TTC7B: variants seen among roughly 807,000 people sequenced by gnomAD.
TTC7B encodes the protein tetratricopeptide repeat domain 7B, also known as tetratricopeptide repeat protein 7B.
Under a neutral mutation model 106.8 loss-of-function variants are expected in TTC7B, and 28 were observed. The ratio of observed to expected loss-of-function variants is 0.26; its 90% CI spans 0.19 to 0.36. The LOEUF (loss-of-function observed/expected upper bound fraction) is 0.36. Among genes scored for constraint, TTC7B ranks in the 10% least tolerant of loss-of-function variants. The probability of loss-of-function intolerance (pLI) is 1.00; values close to 1 mark genes in which losing one functional copy is unlikely to be tolerated. For missense variants in TTC7B, 862 were observed against 1,076.4 expected, an observed-to-expected ratio of 0.80 and a Z score of 2.79; for synonymous variants, 405 against 430.6, an observed-to-expected ratio of 0.94 and a Z score of 0.74.
chr14:90,631,076 T>G (rs1240649637), intron 15 of TTC7B, among the ~76,000 whole-genome samples: 1 of 152,220 alleles, frequency 6.6e-6, no homozygotes, highest in African/African-American at 2.4e-5. Context: ...CCTTGTGATC[T>G]GCCTGCCTTG....
chr14:90,614,565 TC>T (rs1333146092), intron 16 of TTC7B, among the ~76,000 whole-genome samples: 1 of 152,248 alleles, frequency 6.6e-6, no homozygotes, highest in East Asian at 1.9e-4. Context: ...AAACTGGTTG[TC>T]AGCTCAAGAG....
chr14:90,602,383 G>A (rs1892461285), intron 17 of TTC7B, among the ~76,000 whole-genome samples: 1 of 152,228 alleles, frequency 6.6e-6, no homozygotes, highest in Non-Finnish European at 1.5e-5. Context: ...GATGTGACAA[G>A]TCACTAATGA....
chr14:90,736,399 C>T (rs1204052322), intron 4 of TTC7B, among the ~76,000 whole-genome samples: 4 of 151,836 alleles, frequency 2.6e-5, no homozygotes, highest in African/African-American at 7.3e-5. Context: ...GGTGAAACTC[C>T]GTCTCTACTA....
At position 90,649,466 on chromosome 14, in the gene TTC7B, T is replaced by C. The variant is rs189943683; in HGVS notation, c.1518-2443A>G. ...GACAGAAATCCTCAGGCCAGGCAGA[T>C]GAGAGAGAGGACATTAGTGATCAGA... On this transcript the variant is annotated intron_variant, in intron 13 of 19. Coordinates refer to ENST00000328459, the MANE Select transcript of TTC7B (RefSeq NM_001010854.2). Among the ~76,000 whole-genome samples the C allele has an allele frequency of 1.5e-3, 221 of 152,294 alleles. 2 individuals carry two copies. Among genetic ancestry groups the C allele is most frequent in the Non-Finnish European group, 6.2e-4 (42 of 68,022 alleles).
chr14:90,730,612 C>T (rs925623244), intron 4 of TTC7B, among the ~76,000 whole-genome samples: 1 of 152,168 alleles, frequency 6.6e-6, no homozygotes, highest in African/African-American at 2.4e-5. Flanking sequence ...GCAGCTGCAG[C>T]CCTGCATGAG....
At chr14:90,714,457 ATT>A (rs36072608) in intron 5 of TTC7B, among the ~76,000 whole-genome samples, 56 of 129,266 alleles carry the variant, frequency 4.3e-4, no homozygotes, top group Non-Finnish European at 5.6e-4. Context: ...AGCTGTATAA[ATT>A]TTTTTTTTTT....
chr14:90,816,392 T>TCCGGCTC lies in TTC7B; in HGVS notation c.-104_-98dup, dbSNP rs1235201022. On this transcript the variant is annotated 5_prime_UTR_variant, in exon 1 of 20. Transcript: ENST00000328459. ...TCCCGCCGCCGCCGCGGGCTCGGGC[T>TCCGGCTC]CCGGCTCCCGGCTCCGCGGCGTAAC... is the stretch of plus-strand genomic sequence containing the variant. 1.1e-4 allele frequency: 70 copies of TCCGGCTC among 659,336 alleles called. No individual in the cohort carries two copies. The highest frequency in any genetic ancestry group is 7.3e-4 in the African/African-American group (36 of 49,370). The allele number at this position is 659,336 out of a possible 1,614,324, so 40.8% of individuals were successfully genotyped here.
chr14:90,622,589 T>C (rs890305585), intron 15 of TTC7B, among the ~76,000 whole-genome samples: 1 of 151,804 alleles, frequency 6.6e-6, no homozygotes, highest in Non-Finnish European at 1.5e-5. Flanking sequence ...AATTAACCAG[T>C]TGTGGTAGCG....
intron 1 of TTC7B, among the ~76,000 whole-genome samples, chr14:90,797,986 T>C (rs926042571): frequency 6.6e-6 from 1 of 152,328 alleles, no homozygotes; most frequent in Admixed American, 6.5e-5. Context: ...CTGTGGCCTC[T>C]TGCACTGTCC....
intron 14 of TTC7B, 132 bp from the exon 15 acceptor site, chr14:90,644,340 TTG>T: frequency 1.0e-6 from 1 of 965,666 alleles, no homozygotes; most frequent in East Asian, 2.8e-5. Flanking sequence ...TTGTTTCACA[TTG>T]TGCCTCATTC....
intron 17 of TTC7B, chr14:90,602,139 A>T (rs759184390): frequency 2.2e-6 from 1 of 456,102 alleles, no homozygotes; most frequent in South Asian, 1.5e-5. Flanking sequence ...AGGTCATTCA[A>T]ATGCACTGGA....
chr14:90,642,940 G>C (rs1191602634), intron 15 of TTC7B, among the ~76,000 whole-genome samples: 1 of 151,774 alleles, frequency 6.6e-6, no homozygotes, highest in Non-Finnish European at 1.5e-5. Context: ...ATAAAGCCCT[G>C]TTTCCCAGAT....
chr14:90,649,740 C>A (rs550654664), intron 13 of TTC7B, among the ~76,000 whole-genome samples: 1 of 152,160 alleles, frequency 6.6e-6, no homozygotes, highest in South Asian at 2.1e-4. Context: ...AGCCAACCAC[C>A]CACCCATCCA....
In TTC7B at chr14:90,528,647, TG is replaced by T; in HGVS notation, c.*12720del. ...ACTGTGCTTTGTTACCTGTTTCTGATGGTTGTTTCTGATGGTGTGACCCGAC... is the reference window on the plus strand; with the variant it reads ...ACTGTGCTTTGTTACCTGTTTCTGATGTTGTTTCTGATGGTGTGACCCGAC... On this transcript the variant is annotated 3_prime_UTR_variant, in exon 20 of 20. Coordinates refer to ENST00000328459, the MANE Select transcript of TTC7B (RefSeq NM_001010854.2). 6.5e-6 allele frequency: 1 copy of T among 153,336 alleles called. No homozygotes were observed. The highest frequency in any genetic ancestry group is 2.0e-4 in the South Asian group (1 of 4,882). 9.5% of individuals were successfully genotyped at this position (153,336 alleles called of 1,614,324 possible).
At chr14:90,645,774 C>CT (rs1183776824) in intron 14 of TTC7B, among the ~76,000 whole-genome samples, 12 of 152,326 alleles carry the variant, frequency 7.9e-5, no homozygotes, top group African/African-American at 2.9e-4. Flanking sequence ...GAATTCAAAG[C>CT]TGGTTCCTTC....
chr14:90,671,628 C>A (rs1259073580), intron 9 of TTC7B, among the ~76,000 whole-genome samples: 1 of 152,212 alleles, frequency 6.6e-6, no homozygotes, highest in Non-Finnish European at 1.5e-5. Context: ...CCTTCCTACA[C>A]AAACCTTTCA....
At chr14:90,588,395 T>A (rs1304266360) in intron 18 of TTC7B, among the ~76,000 whole-genome samples, 1 of 152,178 alleles carries the variant, frequency 6.6e-6, no homozygotes, top group African/African-American at 2.4e-5. Context: ...CAAGCAGAAA[T>A]TAACCACCTA....
intron 6 of TTC7B, among the ~76,000 whole-genome samples, chr14:90,695,048 A>AT (rs1887666197): frequency 1.3e-4 from 5 of 38,104 alleles, no homozygotes; most frequent in South Asian, 7.8e-4. Context: ...TTTATTATAA[A>AT]ATATATTTTA....
chr14:90,668,762 T>C (rs1485971597), intron 9 of TTC7B, among the ~76,000 whole-genome samples: 2 of 151,830 alleles, frequency 1.3e-5, no homozygotes, highest in South Asian at 2.1e-4. Flanking sequence ...CTATGAGGCA[T>C]TGTTGAGACG....
Sources: allele counts gnomAD v4.1 joint callset (sites outside exome capture counted in the v4.1 genomes callset), GRCh38; gene constraint gnomAD v4.1.1; transcripts MANE v1.5; gene names NCBI Gene and HGNC (gene_info 2026-07-23, HGNC 2026-07-21).